TIE1: variants seen among roughly 807,000 people sequenced by gnomAD.
The protein encoded by TIE1 is tyrosine kinase with immunoglobulin like and EGF like domains 1, also known as tyrosine-protein kinase receptor Tie-1.
Under a neutral mutation model 130.5 loss-of-function variants are expected in TIE1, and 89 were observed. The ratio of observed to expected loss-of-function variants is 0.68; its 90% CI spans 0.57 to 0.81. TIE1 has a LOEUF of 0.81. Among genes scored for constraint, TIE1 ranks in the 40% least tolerant of loss-of-function variants. The probability of loss-of-function intolerance (pLI) is 0.00; values close to 1 mark genes in which losing one functional copy is unlikely to be tolerated. For missense variants in TIE1, 1,392 were observed against 1,559.8 expected (o/e 0.89, Z 1.81); for synonymous variants, 568 against 629.4 (o/e 0.90, Z 1.46).
In TIE1 at chr1:43,312,489, C is replaced by T. The variant is rs778900712; in HGVS notation, c.1815C>T (p.Ala605=). The T allele has an allele frequency of 1.9e-6, 3 of 1,612,918 alleles. No individual in the cohort carries two copies. In the Admixed American group the frequency reaches 5.0e-5, roughly 27 times the overall value. Residue 605 remains alanine, a synonymous_variant, in exon 12 of 23, where the codon GCC becomes GCT. Transcript: ENST00000372476. This position sits in a 1 kb window ranked among gnomAD's most constrained non-coding sequence, Gnocchi z 5.6. ...ENVSSPQART[A]LLTGLTPGTH... ...TCTCATCCCCCCAGGCCCGCACTGC[C>T]CTCCTGACGGGACTCACGCCTGGCA...
chr1:43,307,324 A>G lies in TIE1; in HGVS notation c.772+51A>G. On this transcript the variant is annotated intron_variant, in intron 5 of 22. Coordinates refer to ENST00000372476, the MANE Select transcript of TIE1 (RefSeq NM_005424.5). This position sits in a 1 kb window ranked among gnomAD's most constrained non-coding sequence, Gnocchi z 5.4. ...AGGCAGGAGAGGATCCCTGACTGGGAGAAGACCCTAGAACCATGTGGGTGG... is the reference window on the plus strand; with the variant it reads ...AGGCAGGAGAGGATCCCTGACTGGGGGAAGACCCTAGAACCATGTGGGTGG... 6.2e-7 allele frequency: 1 copy of G among 1,613,432 alleles called. No individual in the cohort carries two copies.
Position 43,312,306 on chromosome 1 carries a change from G to C in TIE1, c.1632G>C (p.Glu544Asp). 1.3e-6 allele frequency: 2 copies of C among 1,547,846 alleles called. No homozygotes were observed. The highest frequency in any genetic ancestry group is 4.5e-5 in the East Asian group (2 of 44,280). The change falls in exon 12 of 23, where the codon GAG becomes GAC. Residue 544 changes from glutamate to aspartate, a missense_variant and splice_region_variant. By Grantham distance (45) the Glu-to-Asp change is conservative. This residue lies in a region of TIE1 where 551 missense variants were observed against 565.5 expected (regional missense o/e 0.97). Coordinates refer to ENST00000372476, the MANE Select transcript of TIE1 (RefSeq NM_005424.5). This position sits in a 1 kb window ranked among gnomAD's most constrained non-coding sequence, Gnocchi z 5.6. ...CTGACCCCTGACCTCTGGCCCCAGA[G>C]CCTTTGTTGCAGCCGTGGTTGGAGG... Reference protein sequence around the residue: ...PPTLMTTDCPEPLLQPWLEGW... With the variant: ...PPTLMTTDCPDPLLQPWLEGW...
Position 43,309,331 on chromosome 1 carries a change from G to A in TIE1, c.1189-57G>A. ...CATCAGTCCAGACGGACACCTGGGT[G>A]CCTGCCACAGAGGTGCCCGTTCCCT... On this transcript the variant is annotated intron_variant, in intron 8 of 22. Transcript: ENST00000372476. The surrounding 1 kb of genome is among the most constrained non-coding windows in gnomAD (Gnocchi z 6.3). 1.3e-6 allele frequency: 2 copies of A among 1,535,682 alleles called. No homozygotes were observed. Among genetic ancestry groups the A allele is most frequent in the Non-Finnish European group, 1.7e-6 (2 of 1,144,518 alleles).
At chr1:43,301,305 T>C (rs1017368625) in intron 1 of TIE1, among the ~76,000 whole-genome samples, 176 bp downstream of exon 1, 11 of 152,138 alleles carry the variant, frequency 7.2e-5, no homozygotes, top group African/African-American at 2.4e-4. Context: ...AGATTTTTAC[T>C]TGGTTTTACA....
In TIE1 at chr1:43,316,172, G is replaced by A. The variant is rs1471945614; in HGVS notation, c.2410-1027G>A. On this transcript the variant is annotated intron_variant, in intron 14 of 22. Coordinates refer to ENST00000372476, the MANE Select transcript of TIE1 (RefSeq NM_005424.5). This position sits in a 1 kb window ranked among gnomAD's most constrained non-coding sequence, Gnocchi z 4.4. ...GTGCACACGTGCATCCCCTGTGAGT[G>A]CCACATGTTTAAATGCGTGTGTCCC... Among the ~76,000 whole-genome samples the A allele has an allele frequency of 6.6e-6, 1 of 152,244 alleles. No individual in the cohort carries two copies. The highest frequency in any genetic ancestry group is 6.5e-5 in the Admixed American group (1 of 15,290).
chr1:43,321,356 G>C, intron 20 of TIE1, 40 bp from the exon 21 acceptor site: 2 of 1,613,742 alleles, frequency 1.2e-6, no homozygotes, highest in Middle Eastern at 1.7e-4. Flanking sequence ...CTTACCCCAC[G>C]TGGAGCCCTG....
Position 43,319,089 on chromosome 1 carries a change from G to C in TIE1, c.2923-146G>C. The C allele has an allele frequency of 1.6e-6, 1 of 637,706 alleles. No individual in the cohort carries two copies. The allele number at this position is 637,706 out of a possible 1,614,324, so 39.5% of individuals were successfully genotyped here. A position where few individuals can be genotyped will look rare whatever the true frequency, so the allele number is the denominator to read the frequency against. ...CAACACTGATCTTTCTCAGATATGA[G>C]TCAGCTGACGAGATTGCAGCCAGGA... On this transcript the variant is annotated intron_variant, in intron 17 of 22. Coordinates refer to ENST00000372476, the MANE Select transcript of TIE1 (RefSeq NM_005424.5). This position sits in a 1 kb window ranked among gnomAD's most constrained non-coding sequence, Gnocchi z 4.7.
chr1:43,313,333 A>G lies in TIE1; in HGVS notation c.2126A>G (p.Asn709Ser), dbSNP rs758424311. ...EETSTIIRGLNASTRYLFRMR... is the reference protein window; with the variant it reads ...EETSTIIRGLSASTRYLFRMR... ...ACAAGCACCATCATCCGTGGCCTCA[A>G]CGCCAGCACGCGCTACCTCTTCCGC... Residue 709 changes from asparagine to serine, a missense_variant, in exon 13 of 23, where the codon AAC becomes AGC. Transcript: ENST00000372476. The surrounding 1 kb of genome is among the most constrained non-coding windows in gnomAD (Gnocchi z 6.2). 5.0e-6 allele frequency: 8 copies of G among 1,613,894 alleles called. No homozygotes were observed. Among genetic ancestry groups the G allele is most frequent in the South Asian group, 2.2e-5 (2 of 91,084 alleles).
At chr1:43,321,132 A>T (rs2153913138) in intron 19 of TIE1, 137 bp from the exon 20 acceptor site, 3 of 883,882 alleles carry the variant, frequency 3.4e-6, no homozygotes, top group East Asian at 4.8e-5. Context: ...CAGAGACAAC[A>T]GCTGGCCAAG....
rs139358114 is a variant in TIE1 at position 43,317,286 on chromosome 1, G to A, written c.2497G>A (p.Val833Met). The A allele has an allele frequency of 2.4e-4, 391 of 1,614,198 alleles. No homozygotes were observed. The highest frequency in any genetic ancestry group is 3.5e-4 in the Admixed American group (21 of 60,030). Residue 833 changes from valine (V) to methionine (M), a missense_variant, in exon 15 of 23, where the codon GTG becomes ATG. This residue lies in a region of TIE1 where 286 missense variants were observed against 354.4 expected (regional missense o/e 0.81). Coordinates refer to ENST00000372476, the MANE Select transcript of TIE1 (RefSeq NM_005424.5). This position sits in a 1 kb window ranked among gnomAD's most constrained non-coding sequence, Gnocchi z 5.1. Reference sequence around the variant, plus strand: ...GCAGCCCGAGCCCCTGAGCTACCCAGTGCTAGAGTGGGAGGACATCACCTT... The same window carrying A: ...GCAGCCCGAGCCCCTGAGCTACCCAATGCTAGAGTGGGAGGACATCACCTT... ...KLQPEPLSYP[V>M]LEWEDITFED...
chr1:43,305,171 T>A lies in TIE1; in HGVS notation c.373+6T>A, dbSNP rs1417969800. 24 of 1,613,854 alleles carry A rather than the reference T, an allele frequency of 1.5e-5. No individual in the cohort carries two copies. In the Admixed American group the frequency reaches 4.0e-4, roughly 27 times the overall value. On this transcript the variant is annotated splice_donor_region_variant and intron_variant, in intron 2 of 22. Coordinates refer to ENST00000372476, the MANE Select transcript of TIE1 (RefSeq NM_005424.5). Reference sequence around the variant, plus strand: ...CGTGCACAACAGCCCTGGAGGTGAGTTAGGCAGGCGGGGGGATGGCGCGGG... The same window carrying A: ...CGTGCACAACAGCCCTGGAGGTGAGATAGGCAGGCGGGGGGATGGCGCGGG...
In TIE1 at chr1:43,307,534, C is replaced by T; in HGVS notation, c.875C>T (p.Ser292Phe). 3.1e-6 allele frequency: 5 copies of T among 1,614,154 alleles called. No individual in the cohort carries two copies. The highest frequency in any genetic ancestry group is 1.1e-5 in the South Asian group (1 of 91,084). Residue 292 changes from serine (S) to phenylalanine (F), a missense_variant, in exon 6 of 23, where the codon TCT becomes TTT. By Grantham distance (155) the Ser-to-Phe change is radical. Transcript: ENST00000372476. The surrounding 1 kb of genome is among the most constrained non-coding windows in gnomAD (Gnocchi z 5.4). ...TGCCTCCCAGACCCCTATGGCTGCT[C>T]TTGTGGATCTGGCTGGAGAGGAAGC... ...TFCLPDPYGC[S>F]CGSGWRGSQC... is the part of the protein sequence containing the mutation.
rs763914111 is a variant in TIE1, at chr1:43,317,364, A to C, written c.2575A>C (p.Lys859Gln). ...CGGCCAGGTCATCCGGGCCATGATC[A>C]AGAAGGACGGGCTGAAGATGAACGC... ...NFGQVIRAMI[K>Q]KDGLKMNAAI... The change falls in exon 15 of 23, where the codon AAG (lysine) becomes CAG (glutamine). Residue 859 changes from lysine to glutamine, a missense_variant. This residue lies in a region of TIE1 where 286 missense variants were observed against 354.4 expected (regional missense o/e 0.81). Coordinates refer to ENST00000372476, the MANE Select transcript of TIE1 (RefSeq NM_005424.5). This position sits in a 1 kb window ranked among gnomAD's most constrained non-coding sequence, Gnocchi z 5.1. 6.2e-7 allele frequency: 1 copy of C among 1,614,064 alleles called. No individual in the cohort carries two copies. The highest frequency in any genetic ancestry group is 1.1e-5 in the South Asian group (1 of 91,072).
At chr1:43,303,034 C>G (rs1040539720) in intron 1 of TIE1, among the ~76,000 whole-genome samples, 6 of 152,128 alleles carry the variant, frequency 3.9e-5, no homozygotes, top group Admixed American at 1.3e-4. Context: ...CCTCCCTTTC[C>G]TGGCTATAAA....
At position 43,306,523 on chromosome 1, in the gene TIE1, G is replaced by A. The variant is rs1646729677; in HGVS notation, c.485-317G>A. ...GGAGGGACAAGAAAGGGTGACACTG[G>A]AGGCAGAGGAGCCTTGTGAGGCCCC... On this transcript the variant is annotated intron_variant, in intron 3 of 22. Transcript: ENST00000372476. This position sits in a 1 kb window ranked among gnomAD's most constrained non-coding sequence, Gnocchi z 4.9. Among the ~76,000 whole-genome samples, 1 of 152,170 alleles carries A rather than the reference G, an allele frequency of 6.6e-6. No homozygotes were observed. Among genetic ancestry groups the A allele is most frequent in the South Asian group, 2.1e-4 (1 of 4,832 alleles).
chr1:43,317,074 G>A lies in TIE1; in HGVS notation c.2410-125G>A, dbSNP rs1457631623. The A allele has an allele frequency of 7.6e-6, 7 of 915,366 alleles. No individual in the cohort carries two copies. The highest frequency in any genetic ancestry group is 5.6e-5 in the Admixed American group (3 of 53,352). 56.7% of individuals were successfully genotyped at this position (915,366 alleles called of 1,614,324 possible). On this transcript the variant is annotated intron_variant, in intron 14 of 22. Transcript: ENST00000372476. The surrounding 1 kb of genome is among the most constrained non-coding windows in gnomAD (Gnocchi z 5.1). ...TCTGTCCCTGGCTGACCACCAGGGTGCCCTCCATCTGGGTCTCTGCCCACT... is the reference window on the plus strand; with the variant it reads ...TCTGTCCCTGGCTGACCACCAGGGTACCCTCCATCTGGGTCTCTGCCCACT...
chr1:43,318,141 C>T lies in TIE1; in HGVS notation c.2922+69C>T. On this transcript the variant is annotated intron_variant, in intron 17 of 22. Coordinates refer to ENST00000372476, the MANE Select transcript of TIE1 (RefSeq NM_005424.5). This position sits in a 1 kb window ranked among gnomAD's most constrained non-coding sequence, Gnocchi z 4.4. ...CTGGGCTGGTGTCAGTGGAAGAAGT[C>T]AGCCGGCCCTGATTGTATCTGGGGA... 1.3e-6 allele frequency: 2 copies of T among 1,490,142 alleles called. No individual in the cohort carries two copies. Among genetic ancestry groups the T allele is most frequent in the Middle Eastern group, 2.5e-4 (1 of 3,998 alleles). The allele number at this position is 1,490,142 out of a possible 1,614,324, so 92.3% of individuals were successfully genotyped here. A position where few individuals can be genotyped will look rare whatever the true frequency, so the allele number is the denominator to read the frequency against.
intron 22 of TIE1, 32 bp downstream of exon 22, chr1:43,321,747 G>A (rs1357855334): frequency 6.5e-7 from 1 of 1,547,178 alleles, no homozygotes; most frequent in South Asian, 1.2e-5. Flanking sequence ...TGGCGGGCTG[G>A]GCTCACAGAG....
rs146094072 is a variant in TIE1 at position 43,318,162 on chromosome 1, G to A, written c.2922+90G>A. The A allele has an allele frequency of 3.7e-4, 535 of 1,450,224 alleles. 1 individual carries two copies. The African/African-American group carries it at 6.8e-3, about 18-fold the overall frequency. The allele number at this position is 1,450,224 out of a possible 1,614,324, so 89.8% of individuals were successfully genotyped here. ...AAGTCAGCCGGCCCTGATTGTATCT[G>A]GGGATTGAGGTTCCTGGCCCAAGTG... On this transcript the variant is annotated intron_variant, in intron 17 of 22. Coordinates refer to ENST00000372476, the MANE Select transcript of TIE1 (RefSeq NM_005424.5). This position sits in a 1 kb window ranked among gnomAD's most constrained non-coding sequence, Gnocchi z 4.4.
Sources: gnomAD v4.1 joint callset for allele counts (sites outside exome capture counted in the v4.1 genomes callset) on GRCh38, gnomAD v4.1.1 for gene constraint, gnomAD v4.1.1 regional missense constraint, Gnocchi (gnomAD v3.1) non-coding constraint, MANE v1.5 for transcripts, NCBI Gene and HGNC (gene_info 2026-07-23, HGNC 2026-07-21) for gene names.